The following MLLT3 variants were observed in gnomAD, a reference collection of about 807,000 sequenced individuals.
MLLT3 encodes MLLT3 super elongation complex subunit.
In MLLT3, 4 loss-of-function variants were observed where a neutral mutation model predicts 53.2. That is an observed-to-expected ratio of 0.08 (90% confidence interval 0.04 to 0.17). MLLT3 has a LOEUF of 0.17. MLLT3 is among the 10% of genes least tolerant of loss of function. The pLI is 1.00. For synonymous variants in MLLT3, 283 were observed against 230.6 expected, an observed-to-expected ratio of 1.23 and a Z score of -2.06; for missense variants, 569 against 684.0, an observed-to-expected ratio of 0.83 and a Z score of 1.87.
chr9:20,393,334 C>T (rs760698510), intron 5 of MLLT3, among the ~76,000 whole-genome samples: 4 of 152,126 alleles, frequency 2.6e-5, no homozygotes, highest in Non-Finnish European at 4.4e-5. Flanking sequence ...TACTGGGAAA[C>T]ACTATAGGAC....
intron 2 of MLLT3, among the ~76,000 whole-genome samples, chr9:20,616,477 G>A (rs1263765573): frequency 2.6e-5 from 4 of 151,418 alleles, no homozygotes; most frequent in Middle Eastern, 3.4e-3. Context: ...TTAAATATAC[G>A]GAGTTAACTT....
intron 2 of MLLT3, among the ~76,000 whole-genome samples, chr9:20,552,473 G>A (rs557382767): frequency 1.3e-5 from 2 of 152,104 alleles, no homozygotes; most frequent in Non-Finnish European, 2.9e-5. Flanking sequence ...ACCACTAGCA[G>A]CTAGACTCTA....
intron 3 of MLLT3, among the ~76,000 whole-genome samples, chr9:20,452,538 A>G (rs1823865307): frequency 6.6e-6 from 1 of 152,088 alleles, no homozygotes; most frequent in African/African-American, 2.4e-5. Context: ...GTGAGAAGGG[A>G]CTAATATGCC....
At chr9:20,392,763 C>T (rs1279664874) in intron 5 of MLLT3, among the ~76,000 whole-genome samples, 5 of 152,278 alleles carry the variant, frequency 3.3e-5, no homozygotes, top group Non-Finnish European at 5.9e-5. Flanking sequence ...CTGTAACCCT[C>T]TGCAAGAGAT....
intron 4 of MLLT3, among the ~76,000 whole-genome samples, chr9:20,443,303 C>T (rs1452206298): frequency 6.6e-6 from 1 of 152,134 alleles, no homozygotes; most frequent in Non-Finnish European, 1.5e-5. Context: ...CTATTTTGTG[C>T]TTTCTTCGTA....
chr9:20,485,780 AT>A (rs1824795712), intron 2 of MLLT3, among the ~76,000 whole-genome samples: 1 of 147,536 alleles, frequency 6.8e-6, no homozygotes, highest in Non-Finnish European at 1.5e-5. Flanking sequence ...GTGTGATGTG[AT>A]TTAATACATA....
At chr9:20,541,124 A>G (rs1255619272) in intron 2 of MLLT3, among the ~76,000 whole-genome samples, 1 of 152,196 alleles carries the variant, frequency 6.6e-6, no homozygotes, top group Admixed American at 6.5e-5. Flanking sequence ...CCAGTTCCCA[A>G]TAAGTTCCTC....
intron 2 of MLLT3, among the ~76,000 whole-genome samples, chr9:20,531,126 A>C: frequency 1.6e-5 from 2 of 124,954 alleles, no homozygotes; most frequent in Non-Finnish European, 1.6e-5. Context: ...CTCTCTATCC[A>C]ATATTCAGTT....
intron 8 of MLLT3, among the ~76,000 whole-genome samples, chr9:20,358,221 C>A (rs1821221867): frequency 6.6e-6 from 1 of 152,116 alleles, no homozygotes; most frequent in Non-Finnish European, 1.5e-5. Flanking sequence ...CAATACTAAA[C>A]AAGGTTTAAG....
intron 2 of MLLT3, chr9:20,533,153 C>G: frequency 3.6e-6 from 1 of 277,226 alleles, no homozygotes; most frequent in South Asian, 4.0e-5. Context: ...AAGACCTGCA[C>G]CACCGTCACC....
intron 2 of MLLT3, among the ~76,000 whole-genome samples, chr9:20,518,856 C>T (rs1374549808): frequency 6.6e-6 from 1 of 152,166 alleles, no homozygotes; most frequent in Non-Finnish European, 1.5e-5. Context: ...AAGACAAAGA[C>T]AGACTGAGCA....
intron 2 of MLLT3, among the ~76,000 whole-genome samples, chr9:20,570,579 A>G (rs1819508454): frequency 6.6e-6 from 1 of 152,234 alleles, no homozygotes; most frequent in Non-Finnish European, 1.5e-5. Flanking sequence ...AGACATATGT[A>G]CATTTATGAC....
At chr9:20,518,725 T>C (rs969374035) in intron 2 of MLLT3, among the ~76,000 whole-genome samples, 2 of 152,228 alleles carry the variant, frequency 1.3e-5, no homozygotes, top group African/African-American at 2.4e-5. Context: ...ATCGAATGTA[T>C]GGAGTCCTTC....
chr9:20,493,178 T>C (rs559914417), intron 2 of MLLT3, among the ~76,000 whole-genome samples: 12 of 152,114 alleles, frequency 7.9e-5, no homozygotes, highest in South Asian at 2.1e-4. Flanking sequence ...AAACTTTATC[T>C]TCAAGTGTCT....
Position 20,584,490 on chromosome 9 carries a change from C to A in MLLT3, c.193+36164G>T, listed in dbSNP as rs147534629. Among the ~76,000 whole-genome samples, 11 of 152,254 alleles carry A rather than the reference C, an allele frequency of 7.2e-5. 1 individual carries two copies. Among genetic ancestry groups the A allele is most frequent in the Admixed American group, 6.5e-4 (10 of 15,282 alleles). Reference sequence around the variant, plus strand: ...TGTTGATAAAGACATACCCATTTCACGCTGCTGGGAAGAAAAAAGAGGTTT... The same window carrying A: ...TGTTGATAAAGACATACCCATTTCAAGCTGCTGGGAAGAAAAAAGAGGTTT... On this transcript the variant is annotated intron_variant, in intron 2 of 10. Transcript: ENST00000380338.
chr9:20,459,065 C>A (rs1824042966), intron 2 of MLLT3, among the ~76,000 whole-genome samples: 1 of 152,134 alleles, frequency 6.6e-6, no homozygotes, highest in Non-Finnish European at 1.5e-5. Context: ...CAACTGAAGG[C>A]ACAGCCATCG....
chr9:20,408,324 T>C (rs1267853857), intron 5 of MLLT3, among the ~76,000 whole-genome samples: 1 of 151,730 alleles, frequency 6.6e-6, no homozygotes, highest in Non-Finnish European at 1.5e-5. Context: ...ACCAGGAATA[T>C]GGATGAATAA....
Position 20,413,765 on chromosome 9 carries a change from G to T in MLLT3, c.1081C>A (p.Pro361Thr). 3 of 1,612,704 alleles carry T rather than the reference G, an allele frequency of 1.9e-6. No homozygotes were observed. The highest frequency in any genetic ancestry group is 2.5e-6 in the Non-Finnish European group (3 of 1,179,482). ...TTCTCCTCCACATCTGAATCATTGG[G>T]ATCCACAATATCATCAAATGGCGGT... The part of the protein sequence containing the change: ...TLPPFDDIVD[P>T]NDSDVEENIS... The change falls in exon 5 of 11, where the codon CCC becomes ACC. Residue 361 changes from proline to threonine, a missense_variant. Pro to Thr is a conservative substitution (Grantham distance 38). This residue lies in a region of MLLT3 where 437 missense variants were observed against 376.5 expected (regional missense o/e 1.16). Transcript: ENST00000380338.
chr9:20,506,345 C>T (rs1427209039), intron 2 of MLLT3, among the ~76,000 whole-genome samples: 3 of 152,126 alleles, frequency 2.0e-5, no homozygotes, highest in African/African-American at 4.8e-5. Context: ...CCGGCCCCTG[C>T]TTTTTCAAGA....
Sources: gnomAD v4.1 joint callset for allele counts (sites outside exome capture counted in the v4.1 genomes callset) on GRCh38, gnomAD v4.1.1 for gene constraint, gnomAD v4.1.1 regional missense constraint, MANE v1.5 for transcripts, NCBI Gene and HGNC (gene_info 2026-07-23, HGNC 2026-07-21) for gene names.